TNKS: variants seen among roughly 807,000 people sequenced by gnomAD.
The protein encoded by TNKS is tankyrase.
In TNKS, 72 loss-of-function variants were observed where a neutral mutation model predicts 135.8. The observed-to-expected ratio is 0.53, with a 90% confidence interval of 0.44 to 0.64. TNKS has a LOEUF of 0.64. Among genes scored for constraint, TNKS ranks in the 30% least tolerant of loss-of-function variants. The pLI is 0.00. For synonymous variants in TNKS, 849 were observed against 649.3 expected (o/e 1.31, Z -4.68); for missense variants, 1,769 against 1,674.0 (o/e 1.06, Z -0.99).
intron 3 of TNKS, among the ~76,000 whole-genome samples, chr8:9,633,689 C>T (rs1413145006): frequency 2.0e-5 from 3 of 152,192 alleles, no homozygotes; most frequent in Admixed American, 1.3e-4. Context: ...TTCTCATTCA[C>T]TTGGATCACT....
At chr8:9,614,300 T>G (rs1198101687) in intron 2 of TNKS, among the ~76,000 whole-genome samples, 1 of 152,230 alleles carries the variant, frequency 6.6e-6, no homozygotes, top group Non-Finnish European at 1.5e-5. Context: ...ATTGTTTGCA[T>G]TCACATAGGA....
intron 3 of TNKS, among the ~76,000 whole-genome samples, chr8:9,658,693 T>C (rs201281986): frequency 7.2e-4 from 109 of 152,232 alleles, no homozygotes; most frequent in Middle Eastern, 3.4e-3. Flanking sequence ...GCAAAATAAC[T>C]AGCTAACATC....
chr8:9,557,748 T>C (rs1037187478), intron 1 of TNKS: 1 of 152,180 alleles, frequency 6.6e-6, no homozygotes, highest in Non-Finnish European at 1.5e-5. Flanking sequence ...CTGTTAACAG[T>C]AAAACATGTG....
intron 1 of TNKS, among the ~76,000 whole-genome samples, chr8:9,562,502 T>C (rs141823835): frequency 6.6e-6 from 1 of 152,190 alleles, no homozygotes; most frequent in Admixed American, 6.5e-5. Context: ...AGTATTCTTA[T>C]GCTGTGTGTG....
chr8:9,760,938 C>T (rs1807118204), intron 20 of TNKS, among the ~76,000 whole-genome samples: 1 of 152,132 alleles, frequency 6.6e-6, no homozygotes. Context: ...TAAAATGTAG[C>T]CTCTTTAAAA....
At chr8:9,689,471 A>G (rs1403204279) in intron 5 of TNKS, among the ~76,000 whole-genome samples, 2 of 151,664 alleles carry the variant, frequency 1.3e-5, no homozygotes, top group African/African-American at 4.8e-5. Context: ...TTCTAAATAT[A>G]AAATGTTTTA....
chr8:9,640,273 T>C lies in TNKS; in HGVS notation c.994+24596T>C, dbSNP rs142723146. The stretch of plus-strand genomic sequence containing the variant: ...GAGCCAGCATCTGGCCAGGGCCTTC[T>C]TACTGTGTTATTCCACGGCAGACGG... On this transcript the variant is annotated intron_variant, in intron 3 of 26. Transcript: ENST00000310430. Among the ~76,000 whole-genome samples the C allele has an allele frequency of 3.3e-5, 5 of 152,292 alleles. No homozygotes were observed. The East Asian group carries it at 9.6e-4, about 29-fold the overall frequency.
rs538351459 is a variant in TNKS at position 9,686,032 on chromosome 8, A to C, written c.1107+5232A>C. ...GTTGTTATTTGGAGATGCCTCAATA[A>C]ACCGTCCCTTTTATTACTCATGCCC... On this transcript the variant is annotated intron_variant, in intron 5 of 26. Transcript: ENST00000310430. Among the ~76,000 whole-genome samples the C allele has an allele frequency of 3.5e-4, 53 of 152,238 alleles. 2 individuals carry two copies. In the South Asian group the frequency reaches 0.011, roughly 32 times the overall value.
intron 20 of TNKS, among the ~76,000 whole-genome samples, chr8:9,757,043 C>G (rs1225534661): frequency 6.6e-6 from 1 of 152,142 alleles, no homozygotes; most frequent in Non-Finnish European, 1.5e-5. Flanking sequence ...GTGGCGTGAT[C>G]TCAGCTCACT....
chr8:9,617,859 G>A (rs1043856408), intron 3 of TNKS, among the ~76,000 whole-genome samples: 1 of 151,936 alleles, frequency 6.6e-6, no homozygotes, highest in Non-Finnish European at 1.5e-5. Context: ...GAATTTACTT[G>A]CTGCAAATGT....
intron 3 of TNKS, among the ~76,000 whole-genome samples, chr8:9,668,144 G>A (rs79573542): frequency 0.012 from 1,820 of 152,192 alleles, 37 homozygotes; most frequent in African/African-American, 0.041. Flanking sequence ...AAAATCATTC[G>A]GAATCATTTC....
Position 9,761,648 on chromosome 8 carries a change from A to G in TNKS, c.3274+12A>G. 1 of 1,580,362 alleles carries G rather than the reference A, an allele frequency of 6.3e-7. No individual in the cohort carries two copies. Among genetic ancestry groups the G allele is most frequent in the Non-Finnish European group, 8.5e-7 (1 of 1,171,628 alleles). On this transcript the variant is annotated intron_variant, in intron 21 of 26. Transcript: ENST00000310430. ...AGGTGGACAACAAGGTAAGCTATTC[A>G]GAAAAAAAAAAAAATTTCAGAAATC...
intron 5 of TNKS, among the ~76,000 whole-genome samples, chr8:9,685,599 T>A (rs1400656991): frequency 6.6e-6 from 1 of 152,224 alleles, no homozygotes; most frequent in African/African-American, 2.4e-5. Flanking sequence ...TGCCTTTGGA[T>A]AAAATAACCT....
chr8:9,773,928 G>C (rs1808085898), intron 26 of TNKS, among the ~76,000 whole-genome samples: 1 of 152,030 alleles, frequency 6.6e-6, no homozygotes, highest in African/African-American at 2.4e-5. Flanking sequence ...ATTCTCCTTA[G>C]TCATACTCTA....
At chr8:9,693,747 A>G (rs2128802724) in intron 5 of TNKS, among the ~76,000 whole-genome samples, 1 of 152,350 alleles carries the variant, frequency 6.6e-6, no homozygotes, top group East Asian at 1.9e-4. Flanking sequence ...AACTGATTAC[A>G]AAACTGATGG....
At position 9,556,023 on chromosome 8, in the gene TNKS, G is replaced by GCCGCCA. The variant is rs942075801; in HGVS notation, c.87_92dup (p.Pro33_Pro34dup). 2 of 1,612,336 alleles carry GCCGCCA rather than the reference G, an allele frequency of 1.2e-6. No individual in the cohort carries two copies. The highest frequency in any genetic ancestry group is 8.5e-7 in the Non-Finnish European group (1 of 1,179,654). On this transcript the variant is annotated inframe_insertion, in exon 1 of 27. Transcript: ENST00000310430. ...CCGCCCCAGGGGCTTCAGCGCCGCC[G>GCCGCCA]CCGCCACCTCCTCCCCCACTCAGCC...
At chr8:9,654,910 G>T (rs916176124) in intron 3 of TNKS, among the ~76,000 whole-genome samples, 8 of 151,748 alleles carry the variant, frequency 5.3e-5, no homozygotes, top group Non-Finnish European at 1.0e-4. Context: ...CAGGACAGTG[G>T]GTGCAACGCA....
intron 26 of TNKS, among the ~76,000 whole-genome samples, 185 bp downstream of exon 26, chr8:9,770,447 C>G (rs1372349486): frequency 3.3e-5 from 5 of 152,184 alleles, no homozygotes; most frequent in African/African-American, 1.2e-4. Flanking sequence ...ACCTAAAACC[C>G]ATTAGTAGCT....
At chr8:9,773,498 A>T (rs1041558313) in intron 26 of TNKS, among the ~76,000 whole-genome samples, 1 of 152,146 alleles carries the variant, frequency 6.6e-6, no homozygotes, top group Non-Finnish European at 1.5e-5. Context: ...GAGTGGTTTC[A>T]GTTCTCTTTA....
Sources: allele counts gnomAD v4.1 joint callset (sites outside exome capture counted in the v4.1 genomes callset), GRCh38; gene constraint gnomAD v4.1.1; transcripts MANE v1.5; gene names NCBI Gene and HGNC (gene_info 2026-07-23, HGNC 2026-07-21).